FANCL: variants seen among roughly 807,000 people sequenced by gnomAD.
FANCL encodes the protein E3 ubiquitin-protein ligase FANCL.
In FANCL, 69 loss-of-function variants were observed where a neutral mutation model predicts 59.4. The ratio of observed to expected loss-of-function variants is 1.16; its 90% CI spans 0.96 to 1.42. The LOEUF (loss-of-function observed/expected upper bound fraction) is 1.42. FANCL is among the 40% of genes most tolerant of loss of function. The probability of loss-of-function intolerance (pLI) is 0.00; values close to 1 mark genes in which losing one functional copy is unlikely to be tolerated. For synonymous variants in FANCL, 180 were observed against 147.1 expected (o/e 1.22, Z -1.62); for missense variants, 519 against 447.2 (o/e 1.16, Z -1.45).
chr2:58,239,439 C>T (rs1415458078), intron 1 of FANCL, among the ~76,000 whole-genome samples: 4 of 152,142 alleles, frequency 2.6e-5, no homozygotes, highest in Non-Finnish European at 4.4e-5. Flanking sequence ...AATCTGTACT[C>T]TTTAAAAATG....
intron 5 of FANCL, among the ~76,000 whole-genome samples, chr2:58,221,371 G>A (rs1000711978): frequency 6.6e-6 from 1 of 152,064 alleles, no homozygotes; most frequent in Non-Finnish European, 1.5e-5. Context: ...CAGGTGGTAT[G>A]TGGATTAAGT....
intron 7 of FANCL, among the ~76,000 whole-genome samples, chr2:58,193,122 T>C (rs1003990943): frequency 5.9e-5 from 9 of 152,136 alleles, no homozygotes; most frequent in African/African-American, 2.2e-4. Context: ...GATAAATGTT[T>C]TTCTAGATTT....
chr2:58,211,239 T>C (rs1178399213), intron 5 of FANCL, among the ~76,000 whole-genome samples: 2 of 152,208 alleles, frequency 1.3e-5, no homozygotes, highest in African/African-American at 4.8e-5. Flanking sequence ...TGGACTTCTG[T>C]GCACCCACAG....
chr2:58,222,080 G>A (rs1355471571), intron 4 of FANCL, 38 bp from the exon 5 acceptor site: 10 of 1,419,056 alleles, frequency 7.0e-6, no homozygotes, highest in African/African-American at 4.2e-5. Context: ...GCTGTGGAAC[G>A]CAAGACAATG....
chr2:58,165,103 T>C (rs1685757469), intron 8 of FANCL, among the ~76,000 whole-genome samples: 1 of 152,122 alleles, frequency 6.6e-6, no homozygotes, highest in Non-Finnish European at 1.5e-5. Flanking sequence ...TGAGAAAGGC[T>C]GAAGTCACAT....
chr2:58,189,024 A>G (rs1252514725), intron 7 of FANCL, among the ~76,000 whole-genome samples: 5 of 152,204 alleles, frequency 3.3e-5, no homozygotes, highest in South Asian at 2.1e-4. Flanking sequence ...CCAGAATTAT[A>G]TAAGATTCTG....
intron 5 of FANCL, among the ~76,000 whole-genome samples, chr2:58,217,820 T>C (rs539756273): frequency 2.6e-5 from 4 of 152,010 alleles, no homozygotes; most frequent in East Asian, 1.9e-4. Flanking sequence ...ATTAAACATA[T>C]TGGATATCTG....
intron 2 of FANCL, among the ~76,000 whole-genome samples, chr2:58,230,123 A>C (rs1309249769): frequency 6.6e-6 from 1 of 151,980 alleles, no homozygotes; most frequent in Non-Finnish European, 1.5e-5. Context: ...TTTAACTTTA[A>C]CACATCCGAA....
intron 5 of FANCL, among the ~76,000 whole-genome samples, chr2:58,217,466 A>T (rs1691961312): frequency 6.6e-6 from 1 of 151,360 alleles, no homozygotes; most frequent in African/African-American, 2.4e-5. Flanking sequence ...AAGAGGAAGA[A>T]TTTCAATACA....
At position 58,203,428 on chromosome 2, in the gene FANCL, T is replaced by C. The variant is rs189417967; in HGVS notation, c.471+702A>G. Among the ~76,000 whole-genome samples, 636 of 152,026 alleles carry C rather than the reference T, an allele frequency of 4.2e-3. 6 individuals carry two copies. The highest frequency in any genetic ancestry group is 0.014 in the African/African-American group (594 of 41,522). On this transcript the variant is annotated intron_variant, in intron 6 of 13. Transcript: ENST00000233741. ...ATAATTAAAAAAAAAAAGTTGGACA[T>C]CCTGGTTTTCTTCAAATTCTCATGT...
chr2:58,232,409 A>T (rs1693670963), intron 1 of FANCL, among the ~76,000 whole-genome samples: 1 of 152,082 alleles, frequency 6.6e-6, no homozygotes, highest in South Asian at 2.1e-4. Flanking sequence ...AAAATTGCTA[A>T]CCAGGCCCAT....
chr2:58,236,532 A>T (rs944276573), intron 1 of FANCL, among the ~76,000 whole-genome samples: 1 of 151,934 alleles, frequency 6.6e-6, no homozygotes. Context: ...TACAAAAAAG[A>T]ATTCCAATAA....
chr2:58,238,133 A>G (rs543631899), intron 1 of FANCL, among the ~76,000 whole-genome samples: 2 of 152,302 alleles, frequency 1.3e-5, no homozygotes, highest in African/African-American at 4.8e-5. Context: ...ACAAATTAAT[A>G]AACTTTCTTA....
chr2:58,195,747 A>G (rs1377726299), intron 7 of FANCL, among the ~76,000 whole-genome samples: 1 of 152,188 alleles, frequency 6.6e-6, no homozygotes, highest in African/African-American at 2.4e-5. Context: ...TAATAACTAT[A>G]AACTTATAAG....
intron 7 of FANCL, among the ~76,000 whole-genome samples, chr2:58,170,693 G>T: frequency 8.7e-6 from 1 of 115,194 alleles, no homozygotes; most frequent in Non-Finnish European, 1.8e-5. Context: ...CAAATGGAAA[G>T]CAAAAAAAAA....
At chr2:58,232,272 T>C (rs549738165) in intron 1 of FANCL, among the ~76,000 whole-genome samples, 160 bp from the exon 2 acceptor site, 11 of 152,264 alleles carry the variant, frequency 7.2e-5, no homozygotes, top group Admixed American at 6.5e-4. Context: ...TGCAACACAA[T>C]ATTGCATTTG....
chr2:58,169,356 C>G (rs1354279693), intron 7 of FANCL, among the ~76,000 whole-genome samples: 1 of 152,110 alleles, frequency 6.6e-6, no homozygotes, highest in Non-Finnish European at 1.5e-5. Flanking sequence ...GCAATAGCAT[C>G]AACATCAACA....
At chr2:58,238,909 A>G (rs1309744411) in intron 1 of FANCL, among the ~76,000 whole-genome samples, 1 of 152,206 alleles carries the variant, frequency 6.6e-6, no homozygotes, top group Non-Finnish European at 1.5e-5. Flanking sequence ...AAAAACTTAC[A>G]TACATAAAAC....
intron 5 of FANCL, among the ~76,000 whole-genome samples, chr2:58,207,206 T>C (rs1240076943): frequency 2.0e-5 from 3 of 152,112 alleles, no homozygotes; most frequent in Admixed American, 2.0e-4. Context: ...TCCTGTAGAC[T>C]ACAATTTGGA....
Sources: gnomAD v4.1 joint callset for allele counts (sites outside exome capture counted in the v4.1 genomes callset) on GRCh38, gnomAD v4.1.1 for gene constraint, MANE v1.5 for transcripts, NCBI Gene and HGNC (gene_info 2026-07-23, HGNC 2026-07-21) for gene names.